Variants in MMP1 observed in about 807,000 individuals in gnomAD.
The protein encoded by MMP1 is matrix metallopeptidase 1, also known as interstitial collagenase.
MMP1 carries 51 observed loss-of-function variants against 49.6 expected under a neutral mutation model. The ratio of observed to expected loss-of-function variants is 1.03; its 90% CI spans 0.82 to 1.30. The LOEUF is 1.30. MMP1 is among the 50% of genes most tolerant of loss of function. MMP1 has a pLI of 0.00. For missense variants in MMP1, 623 were observed against 568.7 expected (o/e 1.10, Z -0.97); for synonymous variants, 230 against 196.8 (o/e 1.17, Z -1.41).
intron 1 of MMP1, 56 bp downstream of exon 1, chr11:102,797,932 G>T: frequency 7.6e-7 from 1 of 1,319,374 alleles, no homozygotes. Context: ...TTACATTACT[G>T]CAGAAAAATA....
intron 1 of MMP1, 144 bp downstream of exon 1, chr11:102,797,844 C>T (rs905222719): frequency 3.3e-5 from 21 of 643,214 alleles, no homozygotes; most frequent in Middle Eastern, 6.7e-4. Flanking sequence ...TGGCTAGATA[C>T]ATTTTGGGTG....
Position 102,791,487 on chromosome 11 carries a change from A to G in MMP1, c.1042T>C (p.Tyr348His), listed in dbSNP as rs1276184856. ...DEVRFFKGNK[Y>H]WAVQGQNVLH... is the part of the protein sequence containing the mutation. ...ACATTCTGTCCCTGAACAGCCCAGT[A>G]CTTATTCCCTGCCAATCAAGAAAGA... Residue 348 changes from tyrosine to histidine, a missense_variant, in exon 8 of 10, where the codon TAC (tyrosine) becomes CAC (histidine). Coordinates refer to ENST00000315274, the MANE Select transcript of MMP1 (RefSeq NM_002421.4). The G allele has an allele frequency of 6.2e-7, 1 of 1,612,692 alleles. No individual in the cohort carries two copies. Among genetic ancestry groups the G allele is most frequent in the Admixed American group, 1.7e-5 (1 of 59,688 alleles).
Position 102,791,444 on chromosome 11 carries a change from T to C in MMP1, c.1085A>G (p.Lys362Arg), listed in dbSNP as rs1488411335. Residue 362 changes from lysine to arginine, a missense_variant, in exon 8 of 10, where the codon AAG (lysine) becomes AGG (arginine). Coordinates refer to ENST00000315274, the MANE Select transcript of MMP1 (RefSeq NM_002421.4). ...QGQNVLHGYP[K>R]DIYSSFGFPR... ...GAAGCCAAAGGAGCTGTAGATGTCC[T>C]TGGGGTATCCGTGTAGCACATTCTG... 6.2e-7 allele frequency: 1 copy of C among 1,613,954 alleles called. No homozygotes were observed. Among genetic ancestry groups the C allele is most frequent in the Non-Finnish European group, 8.5e-7 (1 of 1,179,904 alleles).
chr11:102,797,847 T>G, intron 1 of MMP1, 141 bp downstream of exon 1: 1 of 650,292 alleles, frequency 1.5e-6, no homozygotes. Context: ...CTAGATACAT[T>G]TTGGGTGGAG....
At chr11:102,796,625 G>A in intron 4 of MMP1, 39 bp downstream of exon 4, 2 of 1,601,922 alleles carry the variant, frequency 1.2e-6, no homozygotes, top group Admixed American at 1.7e-5. Context: ...AAACATGAAG[G>A]GGTGGGAGAA....
Position 102,792,669 on chromosome 11 carries a change from T to C in MMP1, c.969A>G (p.Gln323=), listed in dbSNP as rs1309989958. The change falls in exon 7 of 10, where the codon CAA becomes CAG. Residue 323 remains glutamine, a synonymous_variant. Transcript: ENST00000315274. ...AAGCAGCTTCAAGCCCATTTGGCAG[T>C]TGTGGCCAGAAAACAGAAATGAAAT... The part of the protein sequence containing the change: ...ELNFISVFWP[Q]LPNGLEAAYE... 2 of 1,613,980 alleles carry C rather than the reference T, an allele frequency of 1.2e-6. No individual in the cohort carries two copies. The highest frequency in any genetic ancestry group is 1.1e-5 in the South Asian group (1 of 91,060).
chr11:102,795,238 C>T lies in MMP1; in HGVS notation c.835G>A (p.Asp279Asn). The T allele has an allele frequency of 6.2e-7, 1 of 1,614,138 alleles. No individual in the cohort carries two copies. Among genetic ancestry groups the T allele is most frequent in the Non-Finnish European group, 8.5e-7 (1 of 1,180,022 alleles). The change falls in exon 6 of 10, where the codon GAC (aspartate) becomes AAC (asparagine). Residue 279 changes from aspartate (D) to asparagine (N), a missense_variant. Asp to Asn is a conservative substitution (Grantham distance 23, BLOSUM62 1). Transcript: ENST00000315274. ...PIGPQTPKACDSKLTFDAITT... is the reference protein window; with the variant it reads ...PIGPQTPKACNSKLTFDAITT... ...ATAGCATCAAAGGTTAGCTTACTGT[C>T]ACACGCTTTTGGGGTTTGTGGGCCG...
rs1285926282 is a variant in MMP1, at chr11:102,794,852, C to T, written c.899+322G>A. 1.3e-5 allele frequency among the ~76,000 whole-genome samples: 2 copies of T among 152,198 alleles called. No homozygotes were observed. The highest frequency in any genetic ancestry group is 2.4e-5 in the African/African-American group (1 of 41,466). ...GAAATAGGGAACAGAAGACCAATAA[C>T]TGCTCTGCTACCAATGAGCTCTATG... On this transcript the variant is annotated intron_variant, in intron 6 of 9. Coordinates refer to ENST00000315274, the MANE Select transcript of MMP1 (RefSeq NM_002421.4). The surrounding 1 kb of genome is among the most constrained non-coding windows in gnomAD (Gnocchi z 4.3).
At chr11:102,791,561 A>T in intron 7 of MMP1, 66 bp from the exon 8 acceptor site, 1 of 1,569,226 alleles carries the variant, frequency 6.4e-7, no homozygotes, top group South Asian at 1.1e-5. Flanking sequence ...GTGAATTTTC[A>T]GCTAAGTTCT....
Position 102,792,640 on chromosome 11 carries a change from T to C in MMP1, c.998A>G (p.Glu333Gly). 4 of 1,613,894 alleles carry C rather than the reference T, an allele frequency of 2.5e-6. No individual in the cohort carries two copies. Among genetic ancestry groups the C allele is most frequent in the Non-Finnish European group, 3.4e-6 (4 of 1,179,834 alleles). The change falls in exon 7 of 10, where the codon GAA becomes GGA. Residue 333 changes from glutamate (E) to glycine (G), a missense_variant. Coordinates refer to ENST00000315274, the MANE Select transcript of MMP1 (RefSeq NM_002421.4). ...QLPNGLEAAY[E>G]FADRDEVRFF... ...CCGGACTTCATCTCTGTCGGCAAAT[T>C]CGTAAGCAGCTTCAAGCCCATTTGG...
Position 102,790,734 on chromosome 11 carries a change from G to A in MMP1, c.1269C>T (p.Gly423=). 1 of 1,612,880 alleles carries A rather than the reference G, an allele frequency of 6.2e-7. No individual in the cohort carries two copies. The highest frequency in any genetic ancestry group is 8.5e-7 in the Non-Finnish European group (1 of 1,179,016). The change falls in exon 9 of 10, where the codon GGC becomes GGT. Residue 423 remains glycine (G), a synonymous_variant. Coordinates refer to ENST00000315274, the MANE Select transcript of MMP1 (RefSeq NM_002421.4). ...KMIAHDFPGI[G]HKVDAVFMKD... ...TCATGAAAACTGCATCAACTTTGTG[G>A]CCAATTCCAGGAAAGTCATGTGCTA...
At chr11:102,796,428 A>C (rs568306244) in intron 4 of MMP1, among the ~76,000 whole-genome samples, 2 of 152,340 alleles carry the variant, frequency 1.3e-5, no homozygotes, top group East Asian at 3.9e-4. Flanking sequence ...AAAACATCAA[A>C]GTTTTCAACA....
chr11:102,793,664 A>C (rs1858096463), intron 6 of MMP1, among the ~76,000 whole-genome samples: 1 of 152,214 alleles, frequency 6.6e-6, no homozygotes, highest in South Asian at 2.1e-4. Context: ...GGGGAGACTA[A>C]GGGAGGTGTC....
intron 6 of MMP1, among the ~76,000 whole-genome samples, chr11:102,792,956 T>C (rs1858075613): frequency 6.6e-6 from 1 of 152,158 alleles, no homozygotes; most frequent in Non-Finnish European, 1.5e-5. Flanking sequence ...TGGAGCACCA[T>C]TGTATAGCAT....
chr11:102,795,429 G>A (rs749621865), intron 5 of MMP1, 23 bp downstream of exon 5: 9 of 1,609,758 alleles, frequency 5.6e-6, no homozygotes, highest in East Asian at 2.2e-5. Context: ...GCCCTTGTCC[G>A]TAATGTTTTT....
At position 102,795,589 on chromosome 11, in the gene MMP1, A is replaced by T; in HGVS notation, c.644T>A (p.Val215Asp). 6.2e-7 allele frequency: 1 copy of T among 1,612,448 alleles called. No individual in the cohort carries two copies. The highest frequency in any genetic ancestry group is 8.5e-7 in the Non-Finnish European group (1 of 1,179,602). The change falls in exon 5 of 10, where the codon GTT becomes GAT. Residue 215 changes from valine (V) to aspartate (D), a missense_variant. Val to Asp is a radical substitution (Grantham distance 152, BLOSUM62 -3). Transcript: ENST00000315274. ...NNFREYNLHR[V>D]AAHELGHSLG... ...AGAATGGCCGAGTTCATGAGCTGCA[A>T]CACGATGTAAGTTGTACTCTAAAAA...
chr11:102,791,461 C>T lies in MMP1; in HGVS notation c.1068G>A (p.Val356=). The stretch of plus-strand genomic sequence containing the variant: ...AGATGTCCTTGGGGTATCCGTGTAG[C>T]ACATTCTGTCCCTGAACAGCCCAGT... ...NKYWAVQGQN[V]LHGYPKDIYS... is the part of the protein sequence containing the mutation. Residue 356 remains valine, a synonymous_variant, in exon 8 of 10, where the codon GTG becomes GTA. Transcript: ENST00000315274. 1 of 1,613,998 alleles carries T rather than the reference C, an allele frequency of 6.2e-7. No individual in the cohort carries two copies. The highest frequency in any genetic ancestry group is 2.2e-5 in the East Asian group (1 of 44,890).
rs1433847349 is a variant in MMP1, at chr11:102,794,282, C to G, written c.899+892G>C. ...AGAGTAGTAAAACAGTGCCACAGCA[C>G]TTGAGAGGCTGCAGAGAATGAGCCT... On this transcript the variant is annotated intron_variant, in intron 6 of 9. Coordinates refer to ENST00000315274, the MANE Select transcript of MMP1 (RefSeq NM_002421.4). The surrounding 1 kb of genome is among the most constrained non-coding windows in gnomAD (Gnocchi z 4.3). Among the ~76,000 whole-genome samples, 1 of 152,194 alleles carries G rather than the reference C, an allele frequency of 6.6e-6. No individual in the cohort carries two copies. Among genetic ancestry groups the G allele is most frequent in the African/African-American group, 2.4e-5 (1 of 41,448 alleles).
chr11:102,795,908 C>A (rs924696149), intron 4 of MMP1, among the ~76,000 whole-genome samples: 8 of 152,194 alleles, frequency 5.3e-5, no homozygotes, highest in Non-Finnish European at 1.2e-4. Flanking sequence ...CGTACTATTT[C>A]ACACAGAAGC....
Sources: gnomAD v4.1 joint callset for allele counts (sites outside exome capture counted in the v4.1 genomes callset) on GRCh38, gnomAD v4.1.1 for gene constraint, Gnocchi (gnomAD v3.1) non-coding constraint, MANE v1.5 for transcripts, NCBI Gene and HGNC (gene_info 2026-07-23, HGNC 2026-07-21) for gene names.